Variants in ZFHX3 observed in about 807,000 individuals in gnomAD.
ZFHX3 encodes the protein zinc finger homeobox 3.
ZFHX3 carries 42 observed loss-of-function variants against 279.1 expected under a neutral mutation model. The observed-to-expected ratio is 0.15, with a 90% confidence interval of 0.12 to 0.19. The LOEUF (loss-of-function observed/expected upper bound fraction) is 0.19, where lower values mean the gene tolerates loss of function less well. Ranked by LOEUF, ZFHX3 falls within the 10% of genes least tolerant of loss-of-function variation. The probability of loss-of-function intolerance (pLI) is 1.00; values close to 1 mark genes in which losing one functional copy is unlikely to be tolerated. For missense variants in ZFHX3, 4,981 were observed against 4,754.0 expected (o/e 1.05, Z -1.40); for synonymous variants, 2,293 against 1,957.8 (o/e 1.17, Z -4.52).
chr16:72,900,220 G>A (rs1303076941), intron 3 of ZFHX3, among the ~76,000 whole-genome samples: 3 of 151,802 alleles, frequency 2.0e-5, no homozygotes, highest in African/African-American at 7.3e-5. Flanking sequence ...CAAGGACCAC[G>A]TTCTTTCTCA....
intron 4 of ZFHX3, among the ~76,000 whole-genome samples, chr16:72,853,140 A>G (rs2037662519): frequency 6.6e-6 from 1 of 152,238 alleles, no homozygotes; most frequent in Non-Finnish European, 1.5e-5. Flanking sequence ...CAGGGCCACC[A>G]TGCTAAGGCT....
chr16:73,194,748 C>T (rs1956225612), intron 5 of ZFHX3, among the ~76,000 whole-genome samples: 1 of 152,198 alleles, frequency 6.6e-6, no homozygotes, highest in Admixed American at 6.5e-5. Context: ...TGAGAGAATC[C>T]TGGAGAAACT....
intron 2 of ZFHX3, among the ~76,000 whole-genome samples, chr16:73,613,942 C>G (rs564113236): frequency 6.6e-6 from 1 of 152,326 alleles, no homozygotes; most frequent in Admixed American, 6.5e-5. Flanking sequence ...CTTTGACACC[C>G]TCAGCACACT....
intron 4 of ZFHX3, among the ~76,000 whole-genome samples, chr16:72,877,397 TAGTG>T (rs931532640): frequency 2.6e-5 from 4 of 152,076 alleles, no homozygotes; most frequent in Non-Finnish European, 5.9e-5. Flanking sequence ...CAATATCTAA[TAGTG>T]AGATCAAATT....
intron 5 of ZFHX3, among the ~76,000 whole-genome samples, chr16:73,199,285 C>T (rs575362881): frequency 5.3e-5 from 8 of 152,308 alleles, no homozygotes; most frequent in Non-Finnish European, 1.2e-4. Flanking sequence ...AACCTGCTGA[C>T]AGGTAGACAC....
At chr16:73,069,540 A>C (rs1351605804) in intron 8 of ZFHX3, among the ~76,000 whole-genome samples, 5 of 152,196 alleles carry the variant, frequency 3.3e-5, no homozygotes, top group Non-Finnish European at 5.9e-5. Flanking sequence ...GAAATGAGGG[A>C]GAGAATAAGA....
At chr16:73,359,525 A>G (rs2016400929) in intron 3 of ZFHX3, among the ~76,000 whole-genome samples, 1 of 152,246 alleles carries the variant, frequency 6.6e-6, no homozygotes, top group South Asian at 2.1e-4. Context: ...TAGAGGCGGA[A>G]GAACCTGAAG....
At chr16:73,443,965 T>C (rs2143542976) in intron 3 of ZFHX3, among the ~76,000 whole-genome samples, 1 of 152,250 alleles carries the variant, frequency 6.6e-6, no homozygotes, top group Non-Finnish European at 1.5e-5. Context: ...TTATTTATGA[T>C]GCCCAGGCTG....
At chr16:73,614,246 G>A (rs532735786) in intron 2 of ZFHX3, among the ~76,000 whole-genome samples, 33 of 152,308 alleles carry the variant, frequency 2.2e-4, no homozygotes, top group East Asian at 5.8e-4. Context: ...GCCTTGGTCT[G>A]GTCAGGAACA....
At position 72,798,165 on chromosome 16, in the gene ZFHX3, G is replaced by A. The variant is rs201514050; in HGVS notation, c.4517C>T (p.Thr1506Met). ...ESDLEDKQSP[T>M]GSDSGSVQED... ...TTGTACTGACCCAGAGTCACTGCCC[G>A]TTGGGCTCTGTTTATCTTCCAAGTC... Residue 1506 changes from threonine to methionine, a missense_variant, in exon 9 of 10, where the codon ACG becomes ATG. Physicochemically the swap from Thr to Met is moderately conservative, Grantham distance 81. Around this residue, in one of 7 missense-constraint regions of ZFHX3, gnomAD observed 1,751 missense variants for 1,770.0 expected, o/e 0.99. Coordinates refer to ENST00000268489, the MANE Select transcript of ZFHX3 (RefSeq NM_006885.4). 144 of 1,614,026 alleles carry A rather than the reference G, an allele frequency of 8.9e-5. No homozygotes were observed. Among genetic ancestry groups the A allele is most frequent in the Middle Eastern group, 1.6e-4 (1 of 6,082 alleles).
chr16:73,575,538 G>A (rs11860692), intron 2 of ZFHX3, among the ~76,000 whole-genome samples: 2,351 of 152,294 alleles, frequency 0.015, 68 homozygotes, highest in African/African-American at 0.053. Context: ...ACATGGGACC[G>A]ATAGAAGGGG....
At chr16:72,821,678 G>C (rs1383627092) in intron 5 of ZFHX3, among the ~76,000 whole-genome samples, 3 of 152,190 alleles carry the variant, frequency 2.0e-5, no homozygotes, top group African/African-American at 7.2e-5. Context: ...TCCTGGCTGT[G>C]TGACCTCGAG....
At position 73,417,860 on chromosome 16, in the gene ZFHX3, G is replaced by A. The variant is rs1223481924; in HGVS notation, c.-1291+38143C>T. Among the ~76,000 whole-genome samples the A allele has an allele frequency of 1.3e-5, 2 of 150,858 alleles. 1 individual carries two copies. The highest frequency in any genetic ancestry group is 4.9e-5 in the African/African-American group (2 of 40,832). ...AAAAATTAGCCGGGCATGGTGGCAGGCGCCTGTAGTCCCAGCTCCTCGGGA... is the reference window on the plus strand; with the variant it reads ...AAAAATTAGCCGGGCATGGTGGCAGACGCCTGTAGTCCCAGCTCCTCGGGA... On this transcript the variant is annotated intron_variant, in intron 3 of 17. Transcript: ENST00000641206.
chr16:73,049,940 G>A (rs1263916702), upstream of ZFHX3, among the ~76,000 whole-genome samples: 8 of 152,242 alleles, frequency 5.3e-5, no homozygotes, highest in East Asian at 7.7e-4. Flanking sequence ...TGAAGATGAC[G>A]TATGCTAGCA....
intron 4 of ZFHX3, among the ~76,000 whole-genome samples, chr16:73,315,873 C>T (rs1395648082): frequency 1.3e-5 from 2 of 152,140 alleles, no homozygotes; most frequent in East Asian, 1.9e-4. Flanking sequence ...ATTTTCAGCC[C>T]CCCTGGGAGT....
At chr16:73,273,760 G>A (rs1160982792) in intron 4 of ZFHX3, among the ~76,000 whole-genome samples, 4 of 152,070 alleles carry the variant, frequency 2.6e-5, no homozygotes, top group Non-Finnish European at 5.9e-5. Context: ...AATGCCTTAA[G>A]GAGTGTCTCT....
intron 1 of ZFHX3, among the ~76,000 whole-genome samples, chr16:73,821,002 C>T (rs951410701): frequency 6.6e-6 from 1 of 151,970 alleles, no homozygotes; most frequent in African/African-American, 2.4e-5. Flanking sequence ...ATTATTATCC[C>T]CCTTGACAAA....
intron 4 of ZFHX3, among the ~76,000 whole-genome samples, chr16:73,268,675 C>CTCGGGGCGCACCTGCCCTT (rs2014053206): frequency 6.6e-6 from 1 of 152,184 alleles, no homozygotes; most frequent in Non-Finnish European, 1.5e-5. Context: ...TCACAGAGGG[C>CTCGGGGCGCACCTGCCCTT]TCGGGGCGCA....
chr16:73,711,905 C>A (rs915003851), intron 1 of ZFHX3, among the ~76,000 whole-genome samples: 2 of 152,194 alleles, frequency 1.3e-5, no homozygotes, highest in African/African-American at 4.8e-5. Context: ...CCAGCCCCAC[C>A]TACAGCCCTT....
Sources: allele counts gnomAD v4.1 joint callset (sites outside exome capture counted in the v4.1 genomes callset), GRCh38; gene constraint gnomAD v4.1.1; regional missense constraint gnomAD v4.1.1; transcripts MANE v1.5; gene names NCBI Gene and HGNC (gene_info 2026-07-23, HGNC 2026-07-21).